IL17RD: variants seen among roughly 807,000 people sequenced by gnomAD.
IL17RD encodes the protein interleukin-17 receptor D.
Under a neutral mutation model 80.5 loss-of-function variants are expected in IL17RD, and 52 were observed. The ratio of observed to expected loss-of-function variants is 0.65; its 90% CI spans 0.52 to 0.81. The LOEUF (loss-of-function observed/expected upper bound fraction) is 0.81. IL17RD is among the 40% of genes least tolerant of loss of function. The pLI is 0.00. For synonymous variants in IL17RD, 416 were observed against 391.8 expected (o/e 1.06, Z -0.73); for missense variants, 1,024 against 955.1 (o/e 1.07, Z -0.95).
chr3:57,133,096 G>C (rs1707646514), intron 1 of IL17RD, among the ~76,000 whole-genome samples: 1 of 152,144 alleles, frequency 6.6e-6, no homozygotes, highest in Admixed American at 6.5e-5. Flanking sequence ...TTAAGATGTT[G>C]GTATAAAGCA....
chr3:57,114,771 G>A lies in IL17RD; in HGVS notation c.231C>T (p.Asp77=), dbSNP rs373139480. The A allele has an allele frequency of 1.3e-4, 211 of 1,611,048 alleles. 2 individuals carry two copies. Among genetic ancestry groups the A allele is most frequent in the South Asian group, 1.3e-3 (117 of 90,642 alleles). The change falls in exon 3 of 13, where the codon GAC becomes GAT. Residue 77 remains aspartate (D), a synonymous_variant. Transcript: ENST00000296318. ...ACTGGCTGATGGTGATATTCTGGGC[G>A]TCAGCAATCACATGCTTCCCCACTG... The part of the protein sequence containing the change: ...LNPVGKHVIA[D]AQNITISQYA...
chr3:57,105,552 A>AAAAAAAAAATAT lies in IL17RD; in HGVS notation c.747+304_747+305insATATTTTTTTTT. Among the ~76,000 whole-genome samples the AAAAAAAAAATAT allele has an allele frequency of 5.2e-4, 33 of 63,584 alleles. 1 individual carries two copies. Among genetic ancestry groups the AAAAAAAAAATAT allele is most frequent in the South Asian group, 1.2e-3 (2 of 1,624 alleles). 41.7% of individuals were successfully genotyped at this position (63,584 alleles called of 152,430 possible). A position where few individuals can be genotyped will look rare whatever the true frequency, so the allele number is the denominator to read the frequency against. ...ACTCCATCTCAAAAAAAAAAAAAAA[A>AAAAAAAAAATAT]ATATATATATATATATATTTGTTCA... On this transcript the variant is annotated intron_variant, in intron 7 of 12. Transcript: ENST00000296318.
At chr3:57,138,365 T>G (rs2107523570) in intron 1 of IL17RD, among the ~76,000 whole-genome samples, 1 of 151,922 alleles carries the variant, frequency 6.6e-6, no homozygotes, top group African/African-American at 2.4e-5. Flanking sequence ...AACAAAACAG[T>G]GTTAGGGCCA....
chr3:57,120,974 A>C (rs1707324356), intron 1 of IL17RD, among the ~76,000 whole-genome samples: 1 of 152,218 alleles, frequency 6.6e-6, no homozygotes, highest in South Asian at 2.1e-4. Flanking sequence ...ACTGTGCCAG[A>C]CTTCCCACTT....
At chr3:57,163,098 T>C (rs1310506058) in intron 1 of IL17RD, among the ~76,000 whole-genome samples, 1 of 152,032 alleles carries the variant, frequency 6.6e-6, no homozygotes, top group Non-Finnish European at 1.5e-5. Flanking sequence ...ATGCAAAGCA[T>C]GTGGGGAAAC....
intron 1 of IL17RD, among the ~76,000 whole-genome samples, chr3:57,126,448 AC>A (rs1418988054): frequency 7.2e-5 from 11 of 152,140 alleles, no homozygotes; most frequent in Admixed American, 7.2e-4. Flanking sequence ...AAAAACCCAC[AC>A]CATGCTCCAG....
rs116736521 is a variant in IL17RD, at chr3:57,155,251, C to T, written c.126+9910G>A. On this transcript the variant is annotated intron_variant, in intron 1 of 12. Coordinates refer to ENST00000296318, the MANE Select transcript of IL17RD (RefSeq NM_017563.5). ...TGCTGCCAGGGAGTGAGATTTGTTC[C>T]GTTCACATCGTTTCAGAAAGTCCAA... 4.0e-3 allele frequency among the ~76,000 whole-genome samples: 615 copies of T among 152,310 alleles called. 3 individuals carry two copies. Among genetic ancestry groups the T allele is most frequent in the African/African-American group, 0.014 (581 of 41,564 alleles).
chr3:57,136,040 T>G (rs1707718796), intron 1 of IL17RD, among the ~76,000 whole-genome samples: 1 of 152,196 alleles, frequency 6.6e-6, no homozygotes, highest in South Asian at 2.1e-4. Context: ...TAGGGGATTT[T>G]ATGATTAGAT....
chr3:57,098,307 G>C lies in IL17RD; in HGVS notation c.1396C>G (p.Gln466Glu). ...TTGCTGAGCGCCGCGGACGAACTCT[G>C]CTTGGCCTGGCGGAGCTTTTCGGCA... The part of the protein sequence containing the change: ...AIAEKLRQAK[Q>E]SSSAALSKFI... Residue 466 changes from glutamine (Q) to glutamate (E), a missense_variant, in exon 12 of 13, where the codon CAG becomes GAG. Transcript: ENST00000296318. The C allele has an allele frequency of 6.2e-7, 1 of 1,614,016 alleles. No homozygotes were observed.
chr3:57,104,426 C>G lies in IL17RD; in HGVS notation c.748-19G>C. 6.3e-7 allele frequency: 1 copy of G among 1,576,676 alleles called. No individual in the cohort carries two copies. The highest frequency in any genetic ancestry group is 8.7e-7 in the Non-Finnish European group (1 of 1,149,286). ...TTTGCTCCTGCAACAGACCAAAGAA[C>G]ACTTTAAAAACTCACTTCTTGGGCA... On this transcript the variant is annotated intron_variant, in intron 7 of 12. Transcript: ENST00000296318.
intron 1 of IL17RD, among the ~76,000 whole-genome samples, chr3:57,141,766 G>C (rs940552280): frequency 2.0e-5 from 3 of 152,128 alleles, no homozygotes; most frequent in African/African-American, 4.8e-5. Flanking sequence ...TGGTATTAAT[G>C]AAAGATCAAC....
rs781653010 is a variant in IL17RD, at chr3:57,092,079, C to T, written c.*4314G>A. The T allele has an allele frequency of 6.6e-6, 1 of 152,644 alleles. No homozygotes were observed. Among genetic ancestry groups the T allele is most frequent in the South Asian group, 2.1e-4 (1 of 4,834 alleles). The allele number at this position is 152,644 out of a possible 1,614,324, so 9.5% of individuals were successfully genotyped here. On this transcript the variant is annotated 3_prime_UTR_variant, in exon 13 of 13. Coordinates refer to ENST00000296318, the MANE Select transcript of IL17RD (RefSeq NM_017563.5). Reference sequence around the variant, plus strand: ...AAGCTTTTCTCTGTATACTGTTTCACACCTCCAAAACACAGTCAATTCACA... The same window carrying T: ...AAGCTTTTCTCTGTATACTGTTTCATACCTCCAAAACACAGTCAATTCACA...
intron 11 of IL17RD, among the ~76,000 whole-genome samples, chr3:57,100,185 TGC>T (rs1413633340): frequency 2.6e-5 from 4 of 152,236 alleles, no homozygotes; most frequent in African/African-American, 9.6e-5. Context: ...GAAAACTGTG[TGC>T]CATTGGCTAG....
At chr3:57,164,966 A>G (rs1211460905) in intron 1 of IL17RD, 195 bp downstream of exon 1, 3 of 1,318,332 alleles carry the variant, frequency 2.3e-6, no homozygotes, top group Admixed American at 8.5e-5. Flanking sequence ...AGCCGCTTTC[A>G]TCTCGGCCAG....
chr3:57,163,602 G>A (rs1418307835), intron 1 of IL17RD, among the ~76,000 whole-genome samples: 1 of 152,100 alleles, frequency 6.6e-6, no homozygotes, highest in Non-Finnish European at 1.5e-5. Context: ...GCCAATAGGA[G>A]TCTAAATCCA....
intron 5 of IL17RD, among the ~76,000 whole-genome samples, chr3:57,109,243 G>A (rs1382885129): frequency 6.6e-6 from 1 of 152,042 alleles, no homozygotes. Context: ...CTGTCTCCCA[G>A]GTTCAAGCAA....
chr3:57,096,511 G>A lies in IL17RD; in HGVS notation c.2108-6C>T, dbSNP rs1259099140. 1 of 1,567,438 alleles carries A rather than the reference G, an allele frequency of 6.4e-7. No individual in the cohort carries two copies. Among genetic ancestry groups the A allele is most frequent in the African/African-American group, 1.3e-5 (1 of 74,102 alleles). On this transcript the variant is annotated splice_region_variant and splice_polypyrimidine_tract_variant and intron_variant, in intron 12 of 12. Coordinates refer to ENST00000296318, the MANE Select transcript of IL17RD (RefSeq NM_017563.5). The stretch of plus-strand genomic sequence containing the variant: ...GGCAGGAGGTTCCTCCTCACCTAAG[G>A]AGAGAAGAGAGTACAGAGTCACACT...
At position 57,125,116 on chromosome 3, in the gene IL17RD, A is replaced by G. The variant is rs78214630; in HGVS notation, c.127-4803T>C. 7.6e-3 allele frequency among the ~76,000 whole-genome samples: 1,155 copies of G among 152,296 alleles called. 16 individuals are homozygous for G. Among genetic ancestry groups the G allele is most frequent in the African/African-American group, 0.027 (1,114 of 41,580 alleles). On this transcript the variant is annotated intron_variant, in intron 1 of 12. Transcript: ENST00000296318. ...TCTGAACCTCCCTGAGCTATAAAGT[A>G]TATGAATAGGCTGGGTGCAGTGGCT...
At chr3:57,157,166 A>C (rs1397326246) in intron 1 of IL17RD, among the ~76,000 whole-genome samples, 1 of 152,136 alleles carries the variant, frequency 6.6e-6, no homozygotes, top group East Asian at 1.9e-4. Context: ...GAACCAACTG[A>C]GACATGGGCT....
Sources: allele counts gnomAD v4.1 joint callset (sites outside exome capture counted in the v4.1 genomes callset), GRCh38; gene constraint gnomAD v4.1.1; transcripts MANE v1.5; gene names NCBI Gene and HGNC (gene_info 2026-07-23, HGNC 2026-07-21).